Variants in WDR64 observed in about 807,000 individuals in gnomAD.
WDR64 encodes WD repeat-containing protein 64.
In WDR64, 112 loss-of-function variants were observed where a neutral mutation model predicts 139.3. The observed-to-expected ratio is 0.80, with a 90% CI of 0.69 to 0.94. The LOEUF (loss-of-function observed/expected upper bound fraction) is 0.94, where lower values mean the gene tolerates loss of function less well. WDR64 is among the 40% of genes least tolerant of loss of function. WDR64 has a pLI of 0.00. For synonymous variants in WDR64, 444 were observed against 437.7 expected (o/e 1.01, Z -0.18); for missense variants, 1,206 against 1,293.1 (o/e 0.93, Z 1.03).
chr1:241,756,879 A>T (rs574360474), intron 14 of WDR64, among the ~76,000 whole-genome samples: 1 of 152,344 alleles, frequency 6.6e-6, no homozygotes, highest in South Asian at 2.1e-4. Flanking sequence ...ACGATAAAGC[A>T]GTTAAAAATA....
intron 9 of WDR64, among the ~76,000 whole-genome samples, chr1:241,717,851 A>G (rs1256838985): frequency 6.6e-6 from 1 of 152,092 alleles, no homozygotes; most frequent in East Asian, 1.9e-4. Context: ...CCTAAATATA[A>G]TCTAAATGCA....
intron 21 of WDR64, among the ~76,000 whole-genome samples, chr1:241,777,608 G>A (rs542880301): frequency 6.6e-6 from 1 of 151,934 alleles, no homozygotes; most frequent in South Asian, 2.1e-4. Context: ...ACTAGAGGCA[G>A]GGTTTCACCA....
At chr1:241,785,302 C>A (rs1210349463) in intron 23 of WDR64, among the ~76,000 whole-genome samples, 4 of 152,164 alleles carry the variant, frequency 2.6e-5, no homozygotes, top group African/African-American at 9.7e-5. Context: ...TGTGCAAGAT[C>A]AAGGCGCTGG....
At chr1:241,770,567 G>A (rs1658390155) in intron 17 of WDR64, 54 bp from the exon 18 acceptor site, 1 of 1,470,842 alleles carries the variant, frequency 6.8e-7, no homozygotes. Flanking sequence ...CACCCTTTGA[G>A]TATGGTAGCA....
intron 8 of WDR64, among the ~76,000 whole-genome samples, chr1:241,710,843 A>C (rs1267443908): frequency 2.0e-5 from 3 of 152,212 alleles, no homozygotes; most frequent in Non-Finnish European, 4.4e-5. Context: ...AGGGAGCCAC[A>C]GGAGAGAAGT....
At chr1:241,792,969 G>A (rs1659251019) in intron 25 of WDR64, among the ~76,000 whole-genome samples, 1 of 152,212 alleles carries the variant, frequency 6.6e-6, no homozygotes, top group Admixed American at 6.5e-5. Flanking sequence ...ATCCCTGAAA[G>A]CAGCCTAAGT....
Position 241,744,825 on chromosome 1 carries a change from C to A in WDR64, c.1594+309C>A, listed in dbSNP as rs146142334. ...TGCACTGACTCATCCTATCTTTCCA[C>A]TTTTGGGTACCATCAGCCAAGAGAC... On this transcript the variant is annotated intron_variant, in intron 13 of 27. Transcript: ENST00000437684. Among the ~76,000 whole-genome samples, 87 of 152,338 alleles carry A rather than the reference C, an allele frequency of 5.7e-4. 1 individual carries two copies. Among genetic ancestry groups the A allele is most frequent in the African/African-American group, 2.0e-3 (84 of 41,576 alleles).
chr1:241,773,761 C>T (rs910338223), intron 20 of WDR64, among the ~76,000 whole-genome samples: 2 of 152,080 alleles, frequency 1.3e-5, no homozygotes, highest in African/African-American at 2.4e-5. Flanking sequence ...CCACTGTGCC[C>T]GACCGAGGGC....
At position 241,753,354 on chromosome 1, in the gene WDR64, T is replaced by C. The variant is rs1171268653; in HGVS notation, c.1770+3632T>C. Among the ~76,000 whole-genome samples, 3 of 152,308 alleles carry C rather than the reference T, an allele frequency of 2.0e-5. No homozygotes were observed. In the South Asian group the frequency reaches 6.2e-4, roughly 32 times the overall value. On this transcript the variant is annotated intron_variant, in intron 14 of 27. Coordinates refer to ENST00000437684, the MANE Select transcript of WDR64 (RefSeq NM_001367482.1). ...CTTAAAATTTTGACTTTTATTCTCA[T>C]ATAACAATTCAAAAATTAAAAATTA...
intron 1 of WDR64, among the ~76,000 whole-genome samples, chr1:241,660,305 T>C (rs1003005151): frequency 2.0e-5 from 3 of 152,202 alleles, no homozygotes; most frequent in African/African-American, 4.8e-5. Context: ...ATGCTTTGGG[T>C]TACTCCAGCC....
In WDR64 at chr1:241,757,320, A is replaced by G; in HGVS notation, c.1808A>G (p.Glu603Gly). 4 of 1,614,032 alleles carry G rather than the reference A, an allele frequency of 2.5e-6. No homozygotes were observed. Among genetic ancestry groups the G allele is most frequent in the Non-Finnish European group, 3.4e-6 (4 of 1,179,986 alleles). ...EDDIYLMVIW[E>G]LPDVVPFLQD... ...GATATCTACCTCATGGTGATCTGGG[A>G]GCTGCCTGATGTTGTGCCTTTCCTA... The change falls in exon 15 of 28, where the codon GAG becomes GGG. Residue 603 changes from glutamate to glycine, a missense_variant. Glu to Gly is a moderately conservative substitution (Grantham distance 98). Coordinates refer to ENST00000437684, the MANE Select transcript of WDR64 (RefSeq NM_001367482.1).
intron 12 of WDR64, among the ~76,000 whole-genome samples, chr1:241,742,429 C>T (rs746770511): frequency 3.9e-5 from 6 of 152,222 alleles, no homozygotes; most frequent in Middle Eastern, 6.8e-3. Context: ...GCTGATAAAA[C>T]GAGTTGCAGT....
At chr1:241,728,496 G>A (rs10926553) in intron 10 of WDR64, among the ~76,000 whole-genome samples, 64,254 of 151,672 alleles carry the variant, frequency 0.42, 13,656 homozygotes, top group South Asian at 0.48. Flanking sequence ...CATATAAATC[G>A]CCATGCATAG....
chr1:241,745,254 T>C (rs550483719), intron 13 of WDR64, among the ~76,000 whole-genome samples: 1 of 151,514 alleles, frequency 6.6e-6, no homozygotes, highest in South Asian at 2.1e-4. Context: ...AGCATCCTGA[T>C]GTGTGAAAGT....
intron 3 of WDR64, among the ~76,000 whole-genome samples, chr1:241,672,962 T>G (rs1013375660): frequency 6.6e-6 from 1 of 151,852 alleles, no homozygotes; most frequent in Non-Finnish European, 1.5e-5. Flanking sequence ...GAGGAGGGAG[T>G]CACCTGAGTT....
At chr1:241,772,694 C>T (rs1658507345) in intron 19 of WDR64, 98 bp from the exon 20 acceptor site, 5 of 1,284,638 alleles carry the variant, frequency 3.9e-6, no homozygotes, top group Non-Finnish European at 4.2e-6. Context: ...AACTCCTGAC[C>T]TCAAGTGATC....
At chr1:241,796,601 T>C (rs1438049656) in intron 27 of WDR64, among the ~76,000 whole-genome samples, 1 of 152,186 alleles carries the variant, frequency 6.6e-6, no homozygotes, top group African/African-American at 2.4e-5. Flanking sequence ...CAAATGATTC[T>C]TCTGCCTCAG....
intron 12 of WDR64, among the ~76,000 whole-genome samples, chr1:241,743,708 A>G (rs1669641099): frequency 6.6e-6 from 1 of 152,206 alleles, no homozygotes; most frequent in South Asian, 2.1e-4. Flanking sequence ...CTTAGACAGA[A>G]AATCTGCAGG....
intron 26 of WDR64, among the ~76,000 whole-genome samples, chr1:241,795,697 G>A (rs983164264): frequency 4.6e-5 from 7 of 151,894 alleles, no homozygotes; most frequent in East Asian, 1.9e-4. Context: ...AACTGTGCCC[G>A]TGCTGCCCCC....
Sources: gnomAD v4.1 joint callset for allele counts (sites outside exome capture counted in the v4.1 genomes callset) on GRCh38, gnomAD v4.1.1 for gene constraint, MANE v1.5 for transcripts, NCBI Gene and HGNC (gene_info 2026-07-23, HGNC 2026-07-21) for gene names.